Variants in TNKS observed in about 807,000 individuals in gnomAD.
TNKS encodes tankyrase, also known as poly [ADP-ribose] polymerase tankyrase-1.
TNKS carries 72 observed loss-of-function variants against 135.8 expected under a neutral mutation model. The observed-to-expected ratio is 0.53, with a 90% CI of 0.44 to 0.64. The LOEUF is 0.64. Ranked by LOEUF, TNKS falls within the 30% of genes least tolerant of loss-of-function variation. TNKS has a pLI of 0.00. For synonymous variants in TNKS, 849 were observed against 649.3 expected (o/e 1.31, Z -4.68); for missense variants, 1,769 against 1,674.0 (o/e 1.06, Z -0.99).
chr8:9,715,974 T>A (rs917400500), intron 11 of TNKS, among the ~76,000 whole-genome samples: 6 of 152,202 alleles, frequency 3.9e-5, no homozygotes, highest in Non-Finnish European at 7.3e-5. Flanking sequence ...TTAAGAAAAC[T>A]TACGCCCCAA....
intron 13 of TNKS, 29 bp downstream of exon 13, chr8:9,726,749 A>G (rs1805182518): frequency 6.5e-7 from 1 of 1,549,958 alleles, no homozygotes; most frequent in African/African-American, 1.4e-5. Flanking sequence ...TATCTGGAAT[A>G]GCACTGTTGA....
chr8:9,690,944 A>T (rs551808055), intron 5 of TNKS, among the ~76,000 whole-genome samples: 2 of 151,996 alleles, frequency 1.3e-5, no homozygotes, highest in East Asian at 3.9e-4. Context: ...AACTAGTTCA[A>T]CCTCCCAATG....
intron 2 of TNKS, among the ~76,000 whole-genome samples, chr8:9,596,655 C>A (rs868203514): frequency 3.9e-5 from 6 of 152,156 alleles, no homozygotes; most frequent in African/African-American, 9.7e-5. Flanking sequence ...GCCAAAGATA[C>A]ATTTATTTTG....
Position 9,731,110 on chromosome 8 carries a change from A to G in TNKS, c.2147+75A>G. 4 of 1,402,832 alleles carry G rather than the reference A, an allele frequency of 2.9e-6. No homozygotes were observed. The South Asian group carries it at 6.7e-5, about 23-fold the overall frequency. 86.9% of individuals were successfully genotyped at this position (1,402,832 alleles called of 1,614,324 possible). A position where few individuals can be genotyped will look rare whatever the true frequency, so the allele number is the denominator to read the frequency against. ...AAATTTAAAATATTTTTGAAGTCTT[A>G]GATTTTTTCTGTATTAAAAAAGTAA... On this transcript the variant is annotated intron_variant, in intron 14 of 26. Transcript: ENST00000310430.
chr8:9,561,540 T>C (rs1797331405), intron 1 of TNKS, among the ~76,000 whole-genome samples: 2 of 152,216 alleles, frequency 1.3e-5, no homozygotes, highest in African/African-American at 4.8e-5. Context: ...TATCAGTAGT[T>C]TCTTTTTACT....
At chr8:9,692,273 C>G (rs895583045) in intron 5 of TNKS, among the ~76,000 whole-genome samples, 71 of 152,140 alleles carry the variant, frequency 4.7e-4, no homozygotes, top group African/African-American at 1.6e-3. Flanking sequence ...TTAGCTCCCT[C>G]TTATAAGTGA....
intron 2 of TNKS, among the ~76,000 whole-genome samples, chr8:9,585,156 C>T (rs1798321284): frequency 1.3e-5 from 2 of 151,628 alleles, no homozygotes; most frequent in Admixed American, 6.6e-5. Flanking sequence ...AAAAAAAAAT[C>T]CACCACCTAA....
chr8:9,748,799 C>T (rs926665093), intron 18 of TNKS, among the ~76,000 whole-genome samples: 1 of 152,104 alleles, frequency 6.6e-6, no homozygotes, highest in Non-Finnish European at 1.5e-5. Flanking sequence ...ATAATAATGA[C>T]TTATTATTTC....
At chr8:9,751,870 AT>A (rs777086957) in intron 19 of TNKS, 24 bp downstream of exon 19, 3 of 1,603,564 alleles carry the variant, frequency 1.9e-6, no homozygotes, top group African/African-American at 1.3e-5. Flanking sequence ...ATGAATGCTT[AT>A]TTATTTATAC....
intron 12 of TNKS, among the ~76,000 whole-genome samples, chr8:9,720,949 T>C (rs535229992): frequency 2.0e-5 from 3 of 152,288 alleles, no homozygotes; most frequent in South Asian, 2.1e-4. Context: ...CTTAACTTCA[T>C]TGCATTATTA....
chr8:9,729,896 C>G (rs566480934), intron 13 of TNKS, among the ~76,000 whole-genome samples: 64 of 151,260 alleles, frequency 4.2e-4, no homozygotes, highest in African/African-American at 1.4e-3. Context: ...GCCTCAGCCT[C>G]CCAGCGAGTA....
intron 20 of TNKS, among the ~76,000 whole-genome samples, chr8:9,753,007 C>G (rs1450225274): frequency 2.0e-5 from 3 of 151,946 alleles, no homozygotes; most frequent in East Asian, 3.9e-4. Flanking sequence ...TGCCACCCAC[C>G]TCTTCCTCTT....
chr8:9,765,830 C>G (rs1807412145), intron 24 of TNKS, 33 bp downstream of exon 24: 4 of 1,581,280 alleles, frequency 2.5e-6, no homozygotes, highest in Non-Finnish European at 3.5e-6. Flanking sequence ...TGGACGTCTC[C>G]CTGGGCCTTT....
In TNKS at chr8:9,555,945, G is replaced by T. The variant is rs775224052; in HGVS notation, c.6G>T (p.Ala2=). 1.2e-6 allele frequency: 2 copies of T among 1,610,440 alleles called. No individual in the cohort carries two copies. The highest frequency in any genetic ancestry group is 1.7e-6 in the Non-Finnish European group (2 of 1,178,638). Reference sequence around the variant, plus strand: ...AGTGCTAGGGGAGTCCGAAGATGGCGGCGTCGCGTCGCTCTCAGCATCATC... The same window carrying T: ...AGTGCTAGGGGAGTCCGAAGATGGCTGCGTCGCGTCGCTCTCAGCATCATC... M[A]ASRRSQHHHH... is the part of the protein sequence containing the mutation. The change falls in exon 1 of 27, where the codon GCG becomes GCT. Residue 2 remains alanine (A), a synonymous_variant. Transcript: ENST00000310430.
At chr8:9,597,709 G>T (rs1011359634) in intron 2 of TNKS, among the ~76,000 whole-genome samples, 10 of 152,152 alleles carry the variant, frequency 6.6e-5, no homozygotes, top group African/African-American at 2.4e-4. Context: ...GATTACTCAT[G>T]AGTAAGCAGC....
intron 2 of TNKS, among the ~76,000 whole-genome samples, chr8:9,591,239 T>A (rs534661057): frequency 6.6e-4 from 101 of 152,362 alleles, no homozygotes; most frequent in African/African-American, 2.3e-3. Flanking sequence ...TCTTTTATTT[T>A]TTCCCTAGGT....
chr8:9,746,257 A>G (rs1478981509), intron 17 of TNKS, among the ~76,000 whole-genome samples: 2 of 152,218 alleles, frequency 1.3e-5, no homozygotes, highest in Non-Finnish European at 2.9e-5. Context: ...CTAACATCCT[A>G]AATGTATTTA....
At position 9,710,203 on chromosome 8, in the gene TNKS, C is replaced by T. The variant is rs548008104; in HGVS notation, c.1732C>T (p.His578Tyr). ...RAHNDVMEVL[H>Y]KHGAKMNALD... ...CCATAATGATGTCATGGAAGTTCTGCATAAGCATGGCGCCAAGGTGAGGCA... is the reference window on the plus strand; with the variant it reads ...CCATAATGATGTCATGGAAGTTCTGTATAAGCATGGCGCCAAGGTGAGGCA... Residue 578 changes from histidine (H) to tyrosine (Y), a missense_variant, in exon 11 of 27, where the codon CAT becomes TAT. His to Tyr is a moderately conservative substitution (Grantham distance 83). Transcript: ENST00000310430. 17 of 1,614,250 alleles carry T rather than the reference C, an allele frequency of 1.1e-5. 1 individual carries two copies. The highest frequency in any genetic ancestry group is 6.7e-5 in the Admixed American group (4 of 60,032).
intron 2 of TNKS, among the ~76,000 whole-genome samples, chr8:9,603,074 A>T (rs4841180): frequency 0.2 from 29,596 of 151,148 alleles, 3,126 homozygotes; most frequent in East Asian, 0.29. Flanking sequence ...TTTTTTTGAG[A>T]TGGAGTCTCG....
Sources: allele counts gnomAD v4.1 joint callset (sites outside exome capture counted in the v4.1 genomes callset), GRCh38; gene constraint gnomAD v4.1.1; transcripts MANE v1.5; gene names NCBI Gene and HGNC (gene_info 2026-07-23, HGNC 2026-07-21).